The following CFAP61 variants were observed in gnomAD, a reference collection of about 807,000 sequenced individuals.
CFAP61 encodes cilia and flagella associated protein 61.
A neutral mutation model predicts 135.6 loss-of-function variants in CFAP61; 107 were observed. The ratio of observed to expected loss-of-function variants is 0.79; its 90% CI spans 0.67 to 0.93. The LOEUF (loss-of-function observed/expected upper bound fraction) is 0.93, where lower values mean the gene tolerates loss of function less well. Ranked by LOEUF, CFAP61 falls within the 40% of genes least tolerant of loss-of-function variation. The pLI, the probability that CFAP61 is intolerant of heterozygous loss-of-function variation, is 0.00. For missense variants in CFAP61, 1,507 were observed against 1,556.2 expected, an observed-to-expected ratio of 0.97 and a Z score of 0.53; for synonymous variants, 575 against 578.5, an observed-to-expected ratio of 0.99 and a Z score of 0.09.
At chr20:20,183,545 C>G (rs944480285) in intron 13 of CFAP61, among the ~76,000 whole-genome samples, 9 of 152,128 alleles carry the variant, frequency 5.9e-5, no homozygotes, top group Non-Finnish European at 1.3e-4. Context: ...AGAGCAGCCC[C>G]ATTCAGTAGG....
At chr20:20,175,060 G>A (rs1416341014) in intron 13 of CFAP61, among the ~76,000 whole-genome samples, 1 of 152,192 alleles carries the variant, frequency 6.6e-6, no homozygotes, top group Non-Finnish European at 1.5e-5. Flanking sequence ...TTGTAAGTCA[G>A]GGCACTATCC....
At chr20:20,275,856 T>C (rs771783188) in intron 21 of CFAP61, among the ~76,000 whole-genome samples, 2 of 152,206 alleles carry the variant, frequency 1.3e-5, no homozygotes, top group African/African-American at 4.8e-5. Context: ...GCCTCAATAA[T>C]TTAAGCAAAA....
intron 8 of CFAP61, among the ~76,000 whole-genome samples, chr20:20,106,410 C>T (rs569288061): frequency 6.6e-6 from 1 of 152,168 alleles, no homozygotes; most frequent in Admixed American, 6.5e-5. Flanking sequence ...ACTTAAGAAT[C>T]TATTATTTTG....
intron 25 of CFAP61, among the ~76,000 whole-genome samples, chr20:20,339,655 TA>T (rs1387268004): frequency 1.3e-5 from 2 of 152,008 alleles, no homozygotes; most frequent in African/African-American, 4.8e-5. Flanking sequence ...TTTTATTTTT[TA>T]TTCTTTGTAG....
chr20:20,320,032 A>G (rs575029722), intron 25 of CFAP61, among the ~76,000 whole-genome samples: 1 of 152,208 alleles, frequency 6.6e-6, no homozygotes, highest in African/African-American at 2.4e-5. Context: ...TAAAACATGT[A>G]AAACACAGAG....
chr20:20,215,877 A>G (rs1210047922), intron 17 of CFAP61, among the ~76,000 whole-genome samples: 1 of 152,184 alleles, frequency 6.6e-6, no homozygotes, highest in Non-Finnish European at 1.5e-5. Context: ...GTACTGAACC[A>G]CATTAAAAAT....
At chr20:20,242,842 A>C (rs1306800276) in intron 18 of CFAP61, among the ~76,000 whole-genome samples, 1 of 152,214 alleles carries the variant, frequency 6.6e-6, no homozygotes, top group East Asian at 1.9e-4. Flanking sequence ...TAATAAAGCT[A>C]ATGTCAGCCA....
chr20:20,179,409 A>G (rs1307627340), intron 13 of CFAP61, among the ~76,000 whole-genome samples: 1 of 152,240 alleles, frequency 6.6e-6, no homozygotes, highest in Non-Finnish European at 1.5e-5. Flanking sequence ...AAAACATTCC[A>G]TGGTCATGGA....
chr20:20,300,664 G>A (rs572006392), intron 25 of CFAP61, among the ~76,000 whole-genome samples: 6 of 151,474 alleles, frequency 4.0e-5, no homozygotes, highest in African/African-American at 1.5e-4. Context: ...GAGTATAGTG[G>A]CATGAGCTCG....
chr20:20,239,488 C>T (rs1282558373), intron 18 of CFAP61, among the ~76,000 whole-genome samples: 1 of 152,110 alleles, frequency 6.6e-6, no homozygotes, highest in Non-Finnish European at 1.5e-5. Flanking sequence ...GGAATTTGGG[C>T]TGAACAGTTT....
At chr20:20,197,211 A>G (rs992146517) in intron 16 of CFAP61, among the ~76,000 whole-genome samples, 9 of 152,200 alleles carry the variant, frequency 5.9e-5, no homozygotes, top group African/African-American at 1.9e-4. Context: ...AGCATTCCAA[A>G]TAAGCACTAT....
intron 21 of CFAP61, among the ~76,000 whole-genome samples, chr20:20,270,477 T>C (rs1779702577): frequency 6.6e-6 from 1 of 152,228 alleles, no homozygotes; most frequent in Admixed American, 6.5e-5. Context: ...ACTAAAAGAA[T>C]TAGCACTTTA....
intron 18 of CFAP61, among the ~76,000 whole-genome samples, chr20:20,240,143 C>G (rs771871852): frequency 2.0e-5 from 3 of 152,154 alleles, no homozygotes; most frequent in Non-Finnish European, 2.9e-5. Context: ...CTGGAGCATG[C>G]CAGTTAGGGC....
intron 25 of CFAP61, among the ~76,000 whole-genome samples, chr20:20,310,059 A>G (rs2056731075): frequency 6.6e-6 from 1 of 152,134 alleles, no homozygotes; most frequent in Non-Finnish European, 1.5e-5. Flanking sequence ...CAATGACACA[A>G]TCTCAGCTCA....
chr20:20,186,459 T>C (rs1252430651), intron 13 of CFAP61, among the ~76,000 whole-genome samples: 1 of 152,234 alleles, frequency 6.6e-6, no homozygotes, highest in Non-Finnish European at 1.5e-5. Flanking sequence ...CTTGGGCTAT[T>C]GTGAATAATG....
At chr20:20,351,990 T>C (rs545367841) in intron 26 of CFAP61, among the ~76,000 whole-genome samples, 18 of 152,148 alleles carry the variant, frequency 1.2e-4, no homozygotes, top group African/African-American at 4.3e-4. Context: ...TTTCAAAATA[T>C]ATTTCAAAAC....
chr20:20,310,332 T>C (rs1478881580), intron 25 of CFAP61, among the ~76,000 whole-genome samples: 1 of 152,216 alleles, frequency 6.6e-6, no homozygotes, highest in East Asian at 1.9e-4. Context: ...TATCTGGTTC[T>C]GGTTTTAACT....
intron 25 of CFAP61, chr20:20,322,997 T>C: frequency 1.0e-6 from 1 of 985,410 alleles, no homozygotes; most frequent in Non-Finnish European, 1.2e-6. Context: ...TTGTTTTCAA[T>C]AATGTCAGAT....
intron 25 of CFAP61, among the ~76,000 whole-genome samples, chr20:20,318,333 T>TA (rs1403605726): frequency 1.3e-5 from 2 of 152,330 alleles, no homozygotes; most frequent in East Asian, 1.9e-4. Context: ...TCAGAGTTTT[T>TA]AAAAAAATCA....
Sources: gnomAD v4.1 joint callset for allele counts (sites outside exome capture counted in the v4.1 genomes callset) on GRCh38, gnomAD v4.1.1 for gene constraint, MANE v1.5 for transcripts, NCBI Gene and HGNC (gene_info 2026-07-23, HGNC 2026-07-21) for gene names.